The following C10orf90 variants were observed in gnomAD, a reference collection of about 807,000 sequenced individuals.
C10orf90 encodes (E2-independent) E3 ubiquitin-conjugating enzyme FATS.
C10orf90 carries 56 observed loss-of-function variants against 62.5 expected under a neutral mutation model. The ratio of observed to expected loss-of-function variants is 0.90; its 90% CI spans 0.72 to 1.12. The LOEUF is 1.12. Among genes scored for constraint, C10orf90 ranks in the 50% most tolerant of loss-of-function variants. The probability of loss-of-function intolerance (pLI) is 0.00; values close to 1 mark genes in which losing one functional copy is unlikely to be tolerated. For missense variants in C10orf90, 970 were observed against 880.4 expected (o/e 1.10, Z -1.29); for synonymous variants, 386 against 340.4 (o/e 1.13, Z -1.47).
At chr10:126,482,829 G>C (rs1434663625) in intron 4 of C10orf90, among the ~76,000 whole-genome samples, 2 of 152,174 alleles carry the variant, frequency 1.3e-5, no homozygotes, top group South Asian at 2.1e-4. Context: ...TAGAAGAGGA[G>C]TGTGCATTTC....
chr10:126,579,043 T>C (rs1459032215), intron 2 of C10orf90, among the ~76,000 whole-genome samples: 2 of 151,908 alleles, frequency 1.3e-5, no homozygotes, highest in African/African-American at 2.4e-5. Context: ...TCTGTATAGA[T>C]AGTGTACTTC....
At chr10:126,572,462 C>A (rs1844526991) in intron 2 of C10orf90, among the ~76,000 whole-genome samples, 1 of 152,120 alleles carries the variant, frequency 6.6e-6, no homozygotes, top group South Asian at 2.1e-4. Flanking sequence ...ATGGTTATTT[C>A]TTGGTGATAT....
chr10:126,480,069 A>G (rs915475031), intron 4 of C10orf90, among the ~76,000 whole-genome samples: 6 of 152,230 alleles, frequency 3.9e-5, no homozygotes, highest in Non-Finnish European at 7.3e-5. Flanking sequence ...AAAGATCTGT[A>G]TTCCAGAAAA....
At chr10:126,603,231 G>T (rs900019895) in intron 2 of C10orf90, among the ~76,000 whole-genome samples, 25 of 152,124 alleles carry the variant, frequency 1.6e-4, no homozygotes, top group Non-Finnish European at 3.1e-4. Flanking sequence ...CCTTAGGGCT[G>T]GGGAGGCCTC....
At chr10:126,532,341 G>A (rs985971700) in intron 2 of C10orf90, among the ~76,000 whole-genome samples, 7 of 152,050 alleles carry the variant, frequency 4.6e-5, no homozygotes, top group Admixed American at 2.6e-4. Flanking sequence ...ACAGAGTCTG[G>A]GGTCTGAGGC....
intron 2 of C10orf90, among the ~76,000 whole-genome samples, chr10:126,536,971 G>A (rs1250949569): frequency 1.3e-5 from 2 of 152,196 alleles, no homozygotes; most frequent in Admixed American, 1.3e-4. Flanking sequence ...AAAGAGGACT[G>A]TAAGTGGGTT....
chr10:126,527,253 C>T (rs1233709711), intron 2 of C10orf90, among the ~76,000 whole-genome samples: 3 of 152,162 alleles, frequency 2.0e-5, no homozygotes, highest in African/African-American at 7.2e-5. Flanking sequence ...TATAGCCATT[C>T]CAGCGGGTGT....
chr10:126,598,589 C>T (rs55774747), intron 2 of C10orf90, among the ~76,000 whole-genome samples: 3,303 of 152,226 alleles, frequency 0.022, 107 homozygotes, highest in African/African-American at 0.074. Flanking sequence ...TACACATTTT[C>T]GGTGTCTTCC....
intron 7 of C10orf90, among the ~76,000 whole-genome samples, chr10:126,437,907 A>G (rs746078882): frequency 3.3e-5 from 5 of 152,198 alleles, no homozygotes; most frequent in Non-Finnish European, 5.9e-5. Context: ...AGTTAGTTCT[A>G]TGGCAGTTTA....
chr10:126,579,590 C>T (rs1844703377), intron 2 of C10orf90, among the ~76,000 whole-genome samples: 1 of 152,156 alleles, frequency 6.6e-6, no homozygotes, highest in African/African-American at 2.4e-5. Flanking sequence ...TTGCTGAACT[C>T]TGTTCACAGA....
chr10:126,463,937 G>GTTCCAAGTGAAA (rs1564810402), intron 5 of C10orf90, among the ~76,000 whole-genome samples: 1 of 151,952 alleles, frequency 6.6e-6, no homozygotes, highest in African/African-American at 2.4e-5. Context: ...GGATTAACTT[G>GTTCCAAGTGAAA]TTACTTTTAT....
intron 3 of C10orf90, among the ~76,000 whole-genome samples, chr10:126,511,503 A>G (rs1387295852): frequency 6.6e-6 from 1 of 151,792 alleles, no homozygotes; most frequent in Non-Finnish European, 1.5e-5. Flanking sequence ...GAAACTCTAT[A>G]CCCAGTAAAT....
intron 2 of C10orf90, among the ~76,000 whole-genome samples, chr10:126,573,031 C>G (rs1173960570): frequency 1.3e-5 from 2 of 152,138 alleles, no homozygotes; most frequent in Non-Finnish European, 2.9e-5. Flanking sequence ...GGACGAGCCA[C>G]AGACAACAAC....
intron 2 of C10orf90, among the ~76,000 whole-genome samples, chr10:126,606,693 C>A (rs1330620276): frequency 9.2e-5 from 14 of 152,222 alleles, no homozygotes; most frequent in Admixed American, 2.6e-4. Flanking sequence ...GAGTGGGGCC[C>A]CGGATGAAAG....
At chr10:126,506,835 C>T (rs1862764459) in intron 3 of C10orf90, among the ~76,000 whole-genome samples, 1 of 152,078 alleles carries the variant, frequency 6.6e-6, no homozygotes, top group Admixed American at 6.6e-5. Context: ...CAGGGCAGGA[C>T]TAATATTTAC....
At chr10:126,648,935 G>A (rs147322535) in intron 1 of C10orf90, among the ~76,000 whole-genome samples, 2 of 152,122 alleles carry the variant, frequency 1.3e-5, no homozygotes, top group East Asian at 3.9e-4. Flanking sequence ...GATGCACCAC[G>A]TAGTTGTTAG....
At chr10:126,440,578 C>T (rs1858242024) in intron 7 of C10orf90, among the ~76,000 whole-genome samples, 1 of 152,116 alleles carries the variant, frequency 6.6e-6, no homozygotes. Flanking sequence ...AGCAGGAGGC[C>T]AACAAGCACA....
intron 2 of C10orf90, among the ~76,000 whole-genome samples, chr10:126,606,485 C>T (rs769985006): frequency 6.6e-6 from 1 of 152,100 alleles, no homozygotes; most frequent in Non-Finnish European, 1.5e-5. Context: ...TCGTTTATGC[C>T]ATTTCTCGAA....
chr10:126,486,149 G>A (rs1434903165), intron 4 of C10orf90, among the ~76,000 whole-genome samples: 2 of 152,078 alleles, frequency 1.3e-5, no homozygotes, highest in Admixed American at 1.3e-4. Context: ...CTAAACATGG[G>A]ACCTGAGAAT....
Sources: gnomAD v4.1 joint callset for allele counts (sites outside exome capture counted in the v4.1 genomes callset) on GRCh38, gnomAD v4.1.1 for gene constraint, MANE v1.5 for transcripts, NCBI Gene and HGNC (gene_info 2026-07-23, HGNC 2026-07-21) for gene names.